Variants in HNF4A observed in about 807,000 individuals in gnomAD.
HNF4A encodes hepatocyte nuclear factor 4 alpha.
HNF4A carries 15 observed loss-of-function variants against 52.4 expected under a neutral mutation model. The ratio of observed to expected loss-of-function variants is 0.29; its 90% CI spans 0.19 to 0.44. The LOEUF (loss-of-function observed/expected upper bound fraction) is 0.44. Among genes scored for constraint, HNF4A ranks in the 20% least tolerant of loss-of-function variants. The pLI is 1.00. For missense variants in HNF4A, 479 were observed against 647.2 expected (o/e 0.74, Z 2.82); for synonymous variants, 280 against 264.4 (o/e 1.06, Z -0.57).
rs775721024 is a variant in HNF4A, at chr20:44,385,059, C to CTTTTTTTTTTTTTTTTTTTTTTTTT, written c.50-20995_50-20971dup. Among the ~76,000 whole-genome samples, 61 of 34,986 alleles carry CTTTTTTTTTTTTTTTTTTTTTTTTT rather than the reference C, an allele frequency of 1.7e-3. 14 individuals carry two copies. Among genetic ancestry groups the CTTTTTTTTTTTTTTTTTTTTTTTTT allele is most frequent in the Admixed American group, 3.1e-3 (6 of 1,926 alleles). 23.0% of individuals were successfully genotyped at this position (34,986 alleles called of 152,430 possible). On this transcript the variant is annotated intron_variant, in intron 1 of 9. Transcript: ENST00000316673. The stretch of plus-strand genomic sequence containing the variant: ...AGTGGTTTCAGCTGAACTCTGTGAT[C>CTTTTTTTTTTTTTTTTTTTTTTTTT]TTTTTTTTTTTTTTTTTTTTTTTTT...
chr20:44,364,334 C>T (rs1420979891), intron 1 of HNF4A, among the ~76,000 whole-genome samples: 1 of 152,168 alleles, frequency 6.6e-6, no homozygotes, highest in Non-Finnish European at 1.5e-5. Context: ...TGCCACTGCA[C>T]CCGGCACTCT....
At chr20:44,412,364 G>A (rs1187212196) in intron 3 of HNF4A, among the ~76,000 whole-genome samples, 7 of 152,200 alleles carry the variant, frequency 4.6e-5, no homozygotes, top group Non-Finnish European at 8.8e-5. Context: ...TCTGAAAGGC[G>A]ACATTTGTGC....
intron 1 of HNF4A, among the ~76,000 whole-genome samples, chr20:44,368,490 C>T (rs2062997033): frequency 6.6e-6 from 1 of 151,686 alleles, no homozygotes; most frequent in African/African-American, 2.4e-5. Context: ...TTATTTGAAC[C>T]ACTGGGCCCT....
At chr20:44,404,674 CTG>C (rs1022495614) in intron 1 of HNF4A, among the ~76,000 whole-genome samples, 43 of 144,238 alleles carry the variant, frequency 3.0e-4, no homozygotes, top group Middle Eastern at 3.6e-3. Context: ...CATGTGTGGA[CTG>C]TGTGTATGTG....
upstream of HNF4A, among the ~76,000 whole-genome samples, chr20:44,399,306 A>G (rs1392076855): frequency 2.0e-5 from 3 of 152,170 alleles, no homozygotes; most frequent in African/African-American, 7.2e-5. Flanking sequence ...TCTATTTTAC[A>G]GAGGGAGAAA....
upstream of HNF4A, among the ~76,000 whole-genome samples, chr20:44,401,041 T>G (rs553415210): frequency 1.8e-3 from 278 of 152,094 alleles, no homozygotes; most frequent in Non-Finnish European, 3.4e-3. Flanking sequence ...CTTGTACAAT[T>G]GATAACTGAA....
At chr20:44,424,657 G>A in intron 8 of HNF4A, 1 of 1,327,618 alleles carries the variant, frequency 7.5e-7, no homozygotes, top group South Asian at 1.5e-5. Flanking sequence ...TAACTGAAAA[G>A]GAATCCTCTT....
At chr20:44,363,576 G>A (rs890277633) in intron 1 of HNF4A, among the ~76,000 whole-genome samples, 1 of 152,084 alleles carries the variant, frequency 6.6e-6, no homozygotes, top group Admixed American at 6.6e-5. Flanking sequence ...GGAGGAGGCA[G>A]ATGAGAGGCA....
At chr20:44,383,046 G>A (rs956710593) in intron 1 of HNF4A, among the ~76,000 whole-genome samples, 3 of 152,140 alleles carry the variant, frequency 2.0e-5, no homozygotes, top group Admixed American at 6.5e-5. Flanking sequence ...GTCCACACAT[G>A]TAGTCCCAGC....
chr20:44,428,434 C>T lies in HNF4A; in HGVS notation c.1229C>T (p.Thr410Ile). 1 of 1,614,174 alleles carries T rather than the reference C, an allele frequency of 6.2e-7. No individual in the cohort carries two copies. Among genetic ancestry groups the T allele is most frequent in the Non-Finnish European group, 8.5e-7 (1 of 1,180,022 alleles). Residue 410 changes from threonine to isoleucine, a missense_variant, in exon 9 of 10, where the codon ACT (threonine) becomes ATT (isoleucine). Coordinates refer to ENST00000316099, the MANE Select transcript of HNF4A (RefSeq NM_000457.6). ...GTCATCGTTGCCAACACAATGCCCA[C>T]TCACCTCAGCAACGGACAGATGTGT...
At chr20:44,389,784 C>T (rs1427851511) in intron 1 of HNF4A, 2 of 152,320 alleles carry the variant, frequency 1.3e-5, no homozygotes, top group Admixed American at 1.3e-4. Context: ...GCTTTGGGGG[C>T]TATGGGGGGA....
At chr20:44,398,675 T>C (rs1029749482), upstream of HNF4A, among the ~76,000 whole-genome samples, 1 of 152,186 alleles carries the variant, frequency 6.6e-6, no homozygotes, top group African/African-American at 2.4e-5. Flanking sequence ...TCATGCAGAT[T>C]GTGCATTTGG....
At chr20:44,378,975 G>A (rs1425751225) in intron 1 of HNF4A, among the ~76,000 whole-genome samples, 1 of 151,376 alleles carries the variant, frequency 6.6e-6, no homozygotes, top group Non-Finnish European at 1.5e-5. Flanking sequence ...TTCTTCCCAG[G>A]CCCTGGCAAA....
chr20:44,363,155 C>T (rs2062935905), intron 1 of HNF4A, among the ~76,000 whole-genome samples: 1 of 152,008 alleles, frequency 6.6e-6, no homozygotes, highest in Non-Finnish European at 1.5e-5. Context: ...TGCGCCCGGC[C>T]GACCCAATCT....
upstream of HNF4A, among the ~76,000 whole-genome samples, chr20:44,397,970 C>G (rs1313742941): frequency 1.3e-5 from 2 of 152,108 alleles, no homozygotes; most frequent in Non-Finnish European, 2.9e-5. Flanking sequence ...TAAAGTACCC[C>G]AATGTTTTCC....
upstream of HNF4A, among the ~76,000 whole-genome samples, chr20:44,399,578 C>T (rs2063383695): frequency 6.6e-6 from 1 of 152,190 alleles, no homozygotes; most frequent in Admixed American, 6.5e-5. Flanking sequence ...CCTCATACCA[C>T]TCGAACACAC....
upstream of HNF4A, among the ~76,000 whole-genome samples, chr20:44,396,676 A>T (rs2063356304): frequency 6.6e-6 from 1 of 152,214 alleles, no homozygotes; most frequent in Admixed American, 6.5e-5. Context: ...TTATGTGGCC[A>T]GTGTGTCATG....
chr20:44,406,435 G>C (rs941851920), intron 2 of HNF4A, among the ~76,000 whole-genome samples: 72 of 152,204 alleles, frequency 4.7e-4, no homozygotes, highest in African/African-American at 1.7e-3. Flanking sequence ...CAAGCTACTG[G>C]CTGCCGTTTA....
intron 1 of HNF4A, among the ~76,000 whole-genome samples, chr20:44,382,605 G>T (rs2063169694): frequency 6.6e-6 from 1 of 152,152 alleles, no homozygotes; most frequent in Non-Finnish European, 1.5e-5. Flanking sequence ...ATATTAAAAT[G>T]AAAACTAAAC....
Sources: allele counts gnomAD v4.1 joint callset (sites outside exome capture counted in the v4.1 genomes callset), GRCh38; gene constraint gnomAD v4.1.1; transcripts MANE v1.5; gene names NCBI Gene and HGNC (gene_info 2026-07-23, HGNC 2026-07-21).